Variants in ADAMTSL1 observed in about 807,000 individuals in gnomAD.
The protein encoded by ADAMTSL1 is ADAMTS-like protein 1.
A neutral mutation model predicts 201.8 loss-of-function variants in ADAMTSL1; 126 were observed. That is an observed-to-expected ratio of 0.62 (90% CI 0.54 to 0.72). ADAMTSL1 has a LOEUF of 0.72. Ranked by LOEUF, ADAMTSL1 falls within the 30% of genes least tolerant of loss-of-function variation. The probability of loss-of-function intolerance (pLI) is 0.00; values close to 1 mark genes in which losing one functional copy is unlikely to be tolerated. For synonymous variants in ADAMTSL1, 1,121 were observed against 903.4 expected (o/e 1.24, Z -4.32); for missense variants, 2,679 against 2,277.8 (o/e 1.18, Z -3.59).
intron 9 of ADAMTSL1, among the ~76,000 whole-genome samples, chr9:18,668,179 G>C (rs1829578972): frequency 1.3e-5 from 2 of 152,220 alleles, no homozygotes; most frequent in African/African-American, 2.4e-5. Flanking sequence ...CTTACCTTTT[G>C]ATCAACCTCA....
intron 20 of ADAMTSL1, among the ~76,000 whole-genome samples, chr9:18,807,645 C>CAAA (rs1179713904): frequency 0.034 from 2,310 of 68,246 alleles, 47 homozygotes; most frequent in East Asian, 0.15. Context: ...GACTCTGTCT[C>CAAA]AAAAAAAAAA....
chr9:18,293,154 C>G (rs1262012957), intron 2 of ADAMTSL1, among the ~76,000 whole-genome samples: 4 of 152,144 alleles, frequency 2.6e-5, no homozygotes, highest in African/African-American at 9.7e-5. Flanking sequence ...TTTTCTTTAT[C>G]CAATCCACCA....
chr9:18,810,480 T>A (rs554954301), intron 20 of ADAMTSL1, among the ~76,000 whole-genome samples: 10 of 152,192 alleles, frequency 6.6e-5, no homozygotes, highest in African/African-American at 1.4e-4. Flanking sequence ...AAAGCAAGTA[T>A]AAGACTCCAA....
chr9:18,255,044 T>C (rs940068037), intron 2 of ADAMTSL1, among the ~76,000 whole-genome samples: 8 of 152,222 alleles, frequency 5.3e-5, no homozygotes, highest in African/African-American at 1.9e-4. Context: ...GCATTTATTT[T>C]CATTAAATGT....
intron 1 of ADAMTSL1, among the ~76,000 whole-genome samples, chr9:18,064,932 C>T (rs1023579140): frequency 7.8e-6 from 1 of 127,724 alleles, no homozygotes; most frequent in African/African-American, 2.9e-5. Flanking sequence ...AAAATTGATT[C>T]AGAAAGCAGT....
At chr9:18,079,713 AT>A (rs1823398127) in intron 1 of ADAMTSL1, among the ~76,000 whole-genome samples, 6 of 150,584 alleles carry the variant, frequency 4.0e-5, no homozygotes, top group African/African-American at 1.5e-4. Context: ...AAATAAATAA[AT>A]AAATAAATAA....
intron 2 of ADAMTSL1, among the ~76,000 whole-genome samples, chr9:18,197,955 A>G (rs1425022764): frequency 5.9e-5 from 9 of 152,112 alleles, no homozygotes; most frequent in African/African-American, 1.9e-4. Context: ...ATAATGCCGC[A>G]TATCTACAAC....
chr9:18,416,601 T>C (rs1232779356), intron 2 of ADAMTSL1, among the ~76,000 whole-genome samples: 1 of 151,974 alleles, frequency 6.6e-6, no homozygotes, highest in Non-Finnish European at 1.5e-5. Flanking sequence ...CTAACTAACA[T>C]TTATCAAAAG....
chr9:18,043,542 C>G (rs753198372), intron 1 of ADAMTSL1, among the ~76,000 whole-genome samples: 32 of 152,136 alleles, frequency 2.1e-4, no homozygotes, highest in African/African-American at 4.8e-4. Context: ...TATTTGTTCA[C>G]CAACCTACTA....
chr9:18,118,982 A>G (rs1825382178), intron 1 of ADAMTSL1, among the ~76,000 whole-genome samples: 1 of 152,144 alleles, frequency 6.6e-6, no homozygotes, highest in South Asian at 2.1e-4. Flanking sequence ...CAGTACAGAG[A>G]GGTTGAGAGC....
At chr9:18,372,853 C>T (rs1837107145) in intron 2 of ADAMTSL1, among the ~76,000 whole-genome samples, 1 of 152,054 alleles carries the variant, frequency 6.6e-6, no homozygotes, top group Non-Finnish European at 1.5e-5. Flanking sequence ...AAATAATAAC[C>T]ATAGCAAAAA....
rs556038900 is a variant in ADAMTSL1, at chr9:18,510,873, A to AC, written c.191+5923dup. ...AAGCTGCTCCTCTCTCCAGTTCTTC[A>AC]CCCCCCTACTAAATACTCTGAAATA... On this transcript the variant is annotated intron_variant, in intron 2 of 28. Coordinates refer to ENST00000380548, the MANE Select transcript of ADAMTSL1 (RefSeq NM_001040272.6). Among the ~76,000 whole-genome samples the AC allele has an allele frequency of 5.8e-4, 88 of 151,986 alleles. No homozygotes were observed. The East Asian group carries it at 0.013, about 23-fold the overall frequency.
In ADAMTSL1 at chr9:18,777,727, C is replaced by T. The variant is rs1338696855; in HGVS notation, c.3498C>T (p.Ile1166=). The T allele has an allele frequency of 6.2e-7, 1 of 1,613,602 alleles. No homozygotes were observed. The stretch of plus-strand genomic sequence containing the variant: ...GAAGGCCACACCGCAAGCCCACCAT[C>T]CTGCGCAAGATCTCAGCGGCCCAGC... ...GSRRPHRKPT[I]LRKISAAQQL... is the part of the protein sequence containing the mutation. The change falls in exon 19 of 29, where the codon ATC becomes ATT. Residue 1166 remains isoleucine, a synonymous_variant. Coordinates refer to ENST00000380548, the MANE Select transcript of ADAMTSL1 (RefSeq NM_001040272.6).
intron 1 of ADAMTSL1, among the ~76,000 whole-genome samples, chr9:18,122,616 A>C (rs189098970): frequency 1.3e-5 from 2 of 152,314 alleles, no homozygotes; most frequent in Admixed American, 1.3e-4. Flanking sequence ...AAATAAGCCT[A>C]CAAAATTCTG....
intron 2 of ADAMTSL1, among the ~76,000 whole-genome samples, chr9:18,517,480 C>T (rs1168682526): frequency 6.6e-6 from 1 of 151,438 alleles, no homozygotes; most frequent in Non-Finnish European, 1.5e-5. Context: ...AGGTTAGTTA[C>T]GTATGTATAC....
chr9:18,368,096 T>G (rs1836860508), intron 2 of ADAMTSL1, among the ~76,000 whole-genome samples: 1 of 151,854 alleles, frequency 6.6e-6, no homozygotes, highest in African/African-American at 2.4e-5. Flanking sequence ...TTTTTATTTT[T>G]AATAGAGATG....
chr9:18,144,455 C>G (rs966195258), intron 1 of ADAMTSL1, among the ~76,000 whole-genome samples: 4 of 152,120 alleles, frequency 2.6e-5, no homozygotes, highest in African/African-American at 9.7e-5. Context: ...ATCCTCCCTC[C>G]TCGCCCTTCC....
intron 2 of ADAMTSL1, among the ~76,000 whole-genome samples, chr9:18,335,948 C>T (rs1171434085): frequency 6.6e-6 from 1 of 152,056 alleles, no homozygotes; most frequent in Admixed American, 6.6e-5. Context: ...GGGCTATATT[C>T]TACAATTTTA....
chr9:17,927,198 T>G (rs1271274268), intron 1 of ADAMTSL1, among the ~76,000 whole-genome samples: 1 of 152,210 alleles, frequency 6.6e-6, no homozygotes, highest in African/African-American at 2.4e-5. Context: ...TTAAACATAA[T>G]GTCCACAGGG....
Sources: allele counts gnomAD v4.1 joint callset (sites outside exome capture counted in the v4.1 genomes callset), GRCh38; gene constraint gnomAD v4.1.1; transcripts MANE v1.5; gene names NCBI Gene and HGNC (gene_info 2026-07-23, HGNC 2026-07-21).